The following MACROD2 variants were observed in gnomAD, a reference collection of about 807,000 sequenced individuals.
MACROD2 encodes the protein ADP-ribose glycohydrolase MACROD2.
In MACROD2, 36 loss-of-function variants were observed where a neutral mutation model predicts 70.4. The observed-to-expected ratio is 0.51, with a 90% confidence interval of 0.39 to 0.68. The LOEUF is 0.68. Ranked by LOEUF, MACROD2 falls within the 30% of genes least tolerant of loss-of-function variation. MACROD2 has a pLI of 0.00. For missense variants in MACROD2, 496 were observed against 538.4 expected, an observed-to-expected ratio of 0.92 and a Z score of 0.78; for synonymous variants, 172 against 178.8, an observed-to-expected ratio of 0.96 and a Z score of 0.30.
chr20:14,651,521 G>T (rs1985678015), intron 4 of MACROD2, among the ~76,000 whole-genome samples: 1 of 152,192 alleles, frequency 6.6e-6, no homozygotes, highest in South Asian at 2.1e-4. Flanking sequence ...AGTAATAAGT[G>T]ATGGAGGTAG....
At chr20:14,205,141 A>G (rs911412029) in intron 3 of MACROD2, among the ~76,000 whole-genome samples, 4 of 152,216 alleles carry the variant, frequency 2.6e-5, no homozygotes, top group East Asian at 3.8e-4. Context: ...GTATTGTGGC[A>G]TTATTTATTT....
intron 8 of MACROD2, among the ~76,000 whole-genome samples, chr20:15,723,752 C>A (rs1450904333): frequency 1.3e-5 from 2 of 152,136 alleles, no homozygotes; most frequent in African/African-American, 4.8e-5. Flanking sequence ...CTATAAACCT[C>A]TTTGTGGTGG....
At chr20:15,118,303 C>A (rs1349976263) in intron 5 of MACROD2, among the ~76,000 whole-genome samples, 1 of 151,710 alleles carries the variant, frequency 6.6e-6, no homozygotes. Flanking sequence ...AGCGACTCTC[C>A]TTCCTCAGCC....
intron 7 of MACROD2, among the ~76,000 whole-genome samples, chr20:15,450,465 T>G (rs2046625633): frequency 6.6e-6 from 1 of 152,086 alleles, no homozygotes; most frequent in Non-Finnish European, 1.5e-5. Context: ...TTTATAGAGA[T>G]ATATATTATA....
intron 5 of MACROD2, among the ~76,000 whole-genome samples, chr20:14,761,661 C>A (rs1223769173): frequency 6.6e-6 from 1 of 152,108 alleles, no homozygotes; most frequent in Non-Finnish European, 1.5e-5. Flanking sequence ...CTCACTGGTT[C>A]CTCTCCTGGG....
chr20:15,793,136 C>A (rs1198436435), intron 8 of MACROD2, among the ~76,000 whole-genome samples: 1 of 151,986 alleles, frequency 6.6e-6, no homozygotes, highest in African/African-American at 2.4e-5. Flanking sequence ...TGTGTGTGTG[C>A]ATGCGCATGT....
intron 8 of MACROD2, among the ~76,000 whole-genome samples, chr20:15,513,397 A>C (rs1489322318): frequency 6.6e-6 from 1 of 152,254 alleles, no homozygotes; most frequent in Non-Finnish European, 1.5e-5. Context: ...GATTCCATGA[A>C]GTTGTTGCAG....
intron 7 of MACROD2, among the ~76,000 whole-genome samples, chr20:15,490,166 C>T (rs1317729513): frequency 6.7e-6 from 1 of 149,800 alleles, no homozygotes; most frequent in Non-Finnish European, 1.5e-5. Context: ...TTCCTTCCTT[C>T]CTCCTTTCCT....
intron 5 of MACROD2, among the ~76,000 whole-genome samples, chr20:15,197,430 C>T (rs2076615641): frequency 2.0e-5 from 3 of 151,984 alleles, no homozygotes; most frequent in African/African-American, 7.2e-5. Flanking sequence ...TACCATTAGG[C>T]AACAATGAAA....
chr20:15,494,777 G>GCA (rs1555829380), intron 7 of MACROD2, among the ~76,000 whole-genome samples: 1 of 115,038 alleles, frequency 8.7e-6, no homozygotes, highest in African/African-American at 4.7e-5. Flanking sequence ...GTGTGTGTGT[G>GCA]CGCGCGTGTG....
At chr20:14,407,120 G>GA (rs11483034) in intron 3 of MACROD2, among the ~76,000 whole-genome samples, 146,360 of 148,924 alleles carry the variant, frequency 0.98, 71,952 homozygotes, top group South Asian at 1. Flanking sequence ...TAGTGGCAAT[G>GA]AAAAAAAAAA....
chr20:15,764,343 TTGTTC>T lies in MACROD2; in HGVS notation c.646-98396_646-98392del, dbSNP rs149766546. ...CTTGACCATTAGAAAGAATATTTATTTGTTCTGTTCATCCATTTAATACCACCTTG... is the reference window on the plus strand; with the variant it reads ...CTTGACCATTAGAAAGAATATTTATTTGTTCATCCATTTAATACCACCTTG... On this transcript the variant is annotated intron_variant, in intron 8 of 17. Coordinates refer to ENST00000684519, the MANE Select transcript of MACROD2 (RefSeq NM_001351661.2). Among the ~76,000 whole-genome samples the T allele has an allele frequency of 1.6e-3, 237 of 152,376 alleles. 2 individuals carry two copies. The East Asian group carries it at 0.034, about 22-fold the overall frequency.
intron 5 of MACROD2, among the ~76,000 whole-genome samples, chr20:14,948,049 G>A (rs1600860469): frequency 6.6e-6 from 1 of 152,262 alleles, no homozygotes; most frequent in African/African-American, 2.4e-5. Context: ...TCCCCTCCAA[G>A]GCATCAGAGG....
chr20:15,294,120 T>TAAA (rs10644931), intron 6 of MACROD2, among the ~76,000 whole-genome samples: 5,942 of 118,168 alleles, frequency 0.05, 201 homozygotes, highest in Non-Finnish European at 0.075. Context: ...AAACTCTGTC[T>TAAA]AAAAAAAAAA....
chr20:14,314,027 T>TA (rs2082591396), intron 3 of MACROD2, among the ~76,000 whole-genome samples: 1 of 152,252 alleles, frequency 6.6e-6, no homozygotes, highest in Non-Finnish European at 1.5e-5. Flanking sequence ...TATACACTGA[T>TA]ACATTTTAGT....
intron 7 of MACROD2, among the ~76,000 whole-genome samples, chr20:15,493,861 C>T (rs4814387): frequency 0.69 from 105,035 of 152,040 alleles, 36,721 homozygotes; most frequent in Middle Eastern, 0.76. Flanking sequence ...TGAAAAGAAA[C>T]ATTGGCTTAA....
intron 8 of MACROD2, among the ~76,000 whole-genome samples, chr20:15,646,608 C>T (rs758471365): frequency 3.9e-5 from 6 of 152,104 alleles, no homozygotes; most frequent in East Asian, 3.8e-4. Context: ...CCATATAGTC[C>T]GCACGTATCG....
intron 5 of MACROD2, among the ~76,000 whole-genome samples, chr20:15,152,322 G>A (rs1221080731): frequency 1.3e-5 from 2 of 151,744 alleles, no homozygotes; most frequent in East Asian, 1.9e-4. Context: ...CTTGCCCATA[G>A]TGAAGGAGGC....
At chr20:14,285,662 A>G (rs1791552936) in intron 3 of MACROD2, among the ~76,000 whole-genome samples, 2 of 151,686 alleles carry the variant, frequency 1.3e-5, no homozygotes, top group African/African-American at 2.4e-5. Context: ...TTTTTCCTCC[A>G]TCTCCAGTCC....
Sources: gnomAD v4.1 joint callset for allele counts (sites outside exome capture counted in the v4.1 genomes callset) on GRCh38, gnomAD v4.1.1 for gene constraint, MANE v1.5 for transcripts, NCBI Gene and HGNC (gene_info 2026-07-23, HGNC 2026-07-21) for gene names.